Variants in LSM5 observed in about 807,000 individuals in gnomAD.
LSM5 encodes the protein LSM5 homolog, U6 small nuclear RNA and mRNA degradation associated.
A neutral mutation model predicts 13.8 loss-of-function variants in LSM5; 8 were observed. That is an observed-to-expected ratio of 0.58 (90% CI 0.34 to 1.04). The LOEUF is 1.04. Among genes scored for constraint, LSM5 ranks in the 50% least tolerant of loss-of-function variants. The probability of loss-of-function intolerance (pLI) is 0.03; values close to 1 mark genes in which losing one functional copy is unlikely to be tolerated. For synonymous variants in LSM5, 35 were observed against 37.0 expected (o/e 0.95, Z 0.20); for missense variants, 80 against 108.1 (o/e 0.74, Z 1.15).
rs897226064 is a variant in LSM5 at position 32,487,193 on chromosome 7, G to GA, written c.*67dup. On this transcript the variant is annotated 3_prime_UTR_variant, in exon 5 of 5. Coordinates refer to ENST00000450169, the MANE Select transcript of LSM5 (RefSeq NM_012322.3). ...ATGGGATTTAAACATTAGAAAGTGG[G>GA]AAAAAAAATTCCATTTTCTTGTCAT... is the stretch of plus-strand genomic sequence containing the variant. The GA allele has an allele frequency of 3.3e-5, 47 of 1,412,634 alleles. 2 individuals carry two copies. The highest frequency in any genetic ancestry group is 2.5e-4 in the South Asian group (21 of 84,934). The allele number at this position is 1,412,634 out of a possible 1,614,324, so 87.5% of individuals were successfully genotyped here. A position where few individuals can be genotyped will look rare whatever the true frequency, so the allele number is the denominator to read the frequency against.
chr7:32,490,083 G>A, intron 1 of LSM5: 1 of 1,501,262 alleles, frequency 6.7e-7, no homozygotes, highest in South Asian at 1.2e-5. Flanking sequence ...TTCACTAAAT[G>A]TGGACCTTTT....
rs758414889 is a variant in LSM5 at position 32,489,296 on chromosome 7, C to G, written c.95G>C (p.Ser32Thr). 29 of 1,609,588 alleles carry G rather than the reference C, an allele frequency of 1.8e-5. No homozygotes were observed. The highest frequency in any genetic ancestry group is 2.4e-5 in the Non-Finnish European group (28 of 1,177,172). The change falls in exon 2 of 5, where the codon AGT becomes ACT. Residue 32 changes from serine to threonine, a missense_variant. By Grantham distance (58) the Ser-to-Thr change is moderately conservative (BLOSUM62 1). Transcript: ENST00000450169. ...AAGAGTACCAACAATTTCCTTATCA[C>G]TCTTCATCACGATGTGAATTCTTGA... ...IGSRIHIVMK[S>T]DKEIVGTLLG...
At chr7:32,489,631 T>C (rs1786526978) in intron 1 of LSM5, 2 of 345,948 alleles carry the variant, frequency 5.8e-6, no homozygotes, top group Non-Finnish European at 1.1e-5. Context: ...ATAGGTATAA[T>C]TATATTCACC....
Position 32,489,287 on chromosome 7 carries a change from T to A in LSM5, c.104A>T (p.Glu35Val). 6.2e-7 allele frequency: 1 copy of A among 1,609,396 alleles called. No individual in the cohort carries two copies. Among genetic ancestry groups the A allele is most frequent in the Non-Finnish European group, 8.5e-7 (1 of 1,176,716 alleles). Residue 35 changes from glutamate to valine, a missense_variant, in exon 2 of 5, where the codon GAA becomes GTA. Glu to Val is a moderately radical substitution (Grantham distance 121, BLOSUM62 -2). Transcript: ENST00000450169. ...AAATCCTAGAAGAGTACCAACAATTTCCTTATCACTCTTCATCACGATGTG... is the reference window on the plus strand; with the variant it reads ...AAATCCTAGAAGAGTACCAACAATTACCTTATCACTCTTCATCACGATGTG... The part of the protein sequence containing the change: ...RIHIVMKSDK[E>V]IVGTLLGFDD...
upstream of LSM5, among the ~76,000 whole-genome samples, chr7:32,491,844 C>A (rs1287486492): frequency 6.6e-6 from 1 of 152,182 alleles, no homozygotes; most frequent in Admixed American, 6.5e-5. Flanking sequence ...GCATTGCTAG[C>A]TGGTTTTGCA....
chr7:32,493,251 C>T (rs1018848439), upstream of LSM5, among the ~76,000 whole-genome samples: 2 of 152,130 alleles, frequency 1.3e-5, no homozygotes, highest in Non-Finnish European at 2.9e-5. Context: ...AAGCCAGTAC[C>T]ACAGGCGCGT....
At chr7:32,488,760 G>C in intron 2 of LSM5, 108 bp from the exon 3 acceptor site, 1 of 761,170 alleles carries the variant, frequency 1.3e-6, no homozygotes, top group Non-Finnish European at 2.3e-6. Flanking sequence ...GTCTCGCTCT[G>C]TCATCCAGGC....
chr7:32,493,797 T>C (rs1786652266), upstream of LSM5, among the ~76,000 whole-genome samples: 1 of 151,886 alleles, frequency 6.6e-6, no homozygotes, highest in Admixed American at 6.6e-5. Context: ...CGCATCGGCC[T>C]CCCAAAGTGC....
At chr7:32,488,506 T>C (rs1231795613) in intron 3 of LSM5, 119 bp downstream of exon 3, 3 of 727,042 alleles carry the variant, frequency 4.1e-6, no homozygotes, top group Non-Finnish European at 7.3e-6. Flanking sequence ...AGATAAAACG[T>C]CTATCTTTAA....
chr7:32,486,151 G>T lies in LSM5; in HGVS notation c.*1110C>A, dbSNP rs529044669. On this transcript the variant is annotated 3_prime_UTR_variant, in exon 5 of 5. Coordinates refer to ENST00000450169, the MANE Select transcript of LSM5 (RefSeq NM_012322.3). The stretch of plus-strand genomic sequence containing the variant: ...ATACCCTTTGATCTTACACATTTTT[G>T]AGTTTATTCTAGAAAAATACAAATG... 1.3e-5 allele frequency: 2 copies of T among 152,230 alleles called. No individual in the cohort carries two copies. The highest frequency in any genetic ancestry group is 1.3e-4 in the Admixed American group (2 of 15,288). The allele number at this position is 152,230 out of a possible 1,614,324, so 9.4% of individuals were successfully genotyped here. A position where few individuals can be genotyped will look rare whatever the true frequency, so the allele number is the denominator to read the frequency against.
Position 32,487,299 on chromosome 7 carries a change from T to C in LSM5, c.244-6A>G. The C allele has an allele frequency of 6.2e-7, 1 of 1,613,280 alleles. No homozygotes were observed. Among genetic ancestry groups the C allele is most frequent in the Non-Finnish European group, 8.5e-7 (1 of 1,179,372 alleles). Reference sequence around the variant, plus strand: ...CCTTCTCCTCCAGGAACCAGCTGCATAAAGAGGAAAAAGAGTTTATTAATA... The same window carrying C: ...CCTTCTCCTCCAGGAACCAGCTGCACAAAGAGGAAAAAGAGTTTATTAATA... On this transcript the variant is annotated splice_region_variant and splice_polypyrimidine_tract_variant and intron_variant, in intron 4 of 4. Transcript: ENST00000450169.
chr7:32,490,016 G>A lies in LSM5; in HGVS notation c.46+304C>T. The A allele has an allele frequency of 3.7e-6, 5 of 1,348,058 alleles. No homozygotes were observed. The South Asian group carries it at 4.1e-5, about 11-fold the overall frequency. 83.5% of individuals were successfully genotyped at this position (1,348,058 alleles called of 1,614,324 possible). Reference sequence around the variant, plus strand: ...TCGTAAACGCCAGGCTGAGAAGTAGGCCTACTACCTATAACACTGCAGAGG... The same window carrying A: ...TCGTAAACGCCAGGCTGAGAAGTAGACCTACTACCTATAACACTGCAGAGG... On this transcript the variant is annotated intron_variant, in intron 1 of 4. Transcript: ENST00000450169.
rs1366718567 is a variant in LSM5 at position 32,488,617 on chromosome 7, C to T, written c.170+8G>A. The T allele has an allele frequency of 1.9e-6, 3 of 1,589,438 alleles. No homozygotes were observed. The Admixed American group carries it at 5.0e-5, about 27-fold the overall frequency. ...AGAGATTCCCCCCAATTCTTTAACA[C>T]TACTCACAACTCAGTGACATCTTCC... is the stretch of plus-strand genomic sequence containing the variant. On this transcript the variant is annotated splice_region_variant and intron_variant, in intron 3 of 4. Transcript: ENST00000450169.
intron 1 of LSM5, 109 bp downstream of exon 1, chr7:32,490,211 G>C: frequency 6.3e-7 from 1 of 1,599,964 alleles, no homozygotes; most frequent in South Asian, 1.1e-5. Context: ...ACCGCATTTG[G>C]TCTTATACAT....
chr7:32,493,788 G>A (rs535634266), upstream of LSM5, among the ~76,000 whole-genome samples: 23 of 149,992 alleles, frequency 1.5e-4, no homozygotes, highest in Non-Finnish European at 2.8e-4. Flanking sequence ...TGATCTGCCC[G>A]CATCGGCCTC....
chr7:32,493,447 T>A (rs1786636713), upstream of LSM5, among the ~76,000 whole-genome samples: 1 of 151,948 alleles, frequency 6.6e-6, no homozygotes, highest in South Asian at 2.1e-4. Flanking sequence ...TGGTCCAGTC[T>A]GTGTATTTAG....
At chr7:32,492,720 C>G (rs1022118588), upstream of LSM5, among the ~76,000 whole-genome samples, 11 of 152,116 alleles carry the variant, frequency 7.2e-5, no homozygotes, top group African/African-American at 2.7e-4. Flanking sequence ...GAAGAACAGG[C>G]CAATTCCAAA....
upstream of LSM5, among the ~76,000 whole-genome samples, chr7:32,491,138 G>A (rs1786574709): frequency 6.6e-6 from 1 of 152,210 alleles, no homozygotes; most frequent in Non-Finnish European, 1.5e-5. Context: ...GGTAACGACT[G>A]TAATCCCAGC....
chr7:32,487,941 G>A (rs2128105857), intron 3 of LSM5, 184 bp from the exon 4 acceptor site: 1 of 532,776 alleles, frequency 1.9e-6, no homozygotes, highest in Non-Finnish European at 3.4e-6. Flanking sequence ...ATTAAAAGCA[G>A]CAGAATGAAC....
Sources: allele counts gnomAD v4.1 joint callset (sites outside exome capture counted in the v4.1 genomes callset), GRCh38; gene constraint gnomAD v4.1.1; transcripts MANE v1.5; gene names NCBI Gene and HGNC (gene_info 2026-07-23, HGNC 2026-07-21).